Variants in MAST1 observed in about 807,000 individuals in gnomAD.
MAST1 encodes microtubule associated serine/threonine kinase 1, also known as microtubule-associated serine/threonine-protein kinase 1.
Under a neutral mutation model 124.6 loss-of-function variants are expected in MAST1, and 40 were observed. The observed-to-expected ratio is 0.32, with a 90% CI of 0.25 to 0.42. The LOEUF (loss-of-function observed/expected upper bound fraction) is 0.42, where lower values mean the gene tolerates loss of function less well. Ranked by LOEUF, MAST1 falls within the 10% of genes least tolerant of loss-of-function variation. The pLI, the probability that MAST1 is intolerant of heterozygous loss-of-function variation, is 1.00. For missense variants in MAST1, 1,558 were observed against 2,181.9 expected (o/e 0.71, Z 5.70); for synonymous variants, 938 against 939.4 (o/e 1.00, Z 0.03).
intron 22 of MAST1, 102 bp downstream of exon 22, chr19:12,869,397 C>A: frequency 3.6e-6 from 3 of 823,396 alleles, no homozygotes; most frequent in Non-Finnish European, 5.9e-6. Flanking sequence ...CCTCTGTGAC[C>A]CTCTATGCCT....
Position 12,866,905 on chromosome 19 carries a change from C to T in MAST1, c.2139+143C>T. 7.5e-6 allele frequency: 5 copies of T among 667,874 alleles called. No homozygotes were observed. The highest frequency in any genetic ancestry group is 2.6e-6 in the Non-Finnish European group (1 of 384,878). The allele number at this position is 667,874 out of a possible 1,614,324, so 41.4% of individuals were successfully genotyped here. On this transcript the variant is annotated intron_variant, in intron 18 of 25. Coordinates refer to ENST00000251472, the MANE Select transcript of MAST1 (RefSeq NM_014975.3). This position sits in a 1 kb window ranked among gnomAD's most constrained non-coding sequence, Gnocchi z 5.2. ...GGCGGGAGTCTGGAAGGTGGTAAGGCCACGCAAGAGGCAGGTTCGGGAGTC... is the reference window on the plus strand; with the variant it reads ...GGCGGGAGTCTGGAAGGTGGTAAGGTCACGCAAGAGGCAGGTTCGGGAGTC...
Position 12,874,671 on chromosome 19 carries a change from C to T in MAST1, c.4514C>T (p.Pro1505Leu), listed in dbSNP as rs144944600. 3.9e-6 allele frequency: 6 copies of T among 1,542,512 alleles called. No individual in the cohort carries two copies. The highest frequency in any genetic ancestry group is 1.9e-5 in the Admixed American group (1 of 51,700). The change falls in exon 26 of 26, where the codon CCG becomes CTG. Residue 1505 changes from proline (P) to leucine (L), a missense_variant. Coordinates refer to ENST00000251472, the MANE Select transcript of MAST1 (RefSeq NM_014975.3). The surrounding 1 kb of genome is among the most constrained non-coding windows in gnomAD (Gnocchi z 6.6). Reference sequence around the variant, plus strand: ...AAGCCCGCCTCCCCAAAGCTCTCCCCGGAGCCCCAGACACCCTCCCTAGCC... The same window carrying T: ...AAGCCCGCCTCCCCAAAGCTCTCCCTGGAGCCCCAGACACCCTCCCTAGCC... ...RSKPASPKLSPEPQTPSLAPA... is the reference protein window; with the variant it reads ...RSKPASPKLSLEPQTPSLAPA...
intron 9 of MAST1, 23 bp from the exon 10 acceptor site, chr19:12,852,305 G>C (rs1378021574): frequency 6.2e-7 from 1 of 1,614,132 alleles, no homozygotes; most frequent in Non-Finnish European, 8.5e-7. Flanking sequence ...CCCAGCTCGT[G>C]CTCACTCTCA....
At position 12,847,064 on chromosome 19, in the gene MAST1, C is replaced by T. The variant is rs574510823; in HGVS notation, c.328-226C>T. Among the ~76,000 whole-genome samples the T allele has an allele frequency of 4.4e-4, 67 of 152,228 alleles. 1 individual carries two copies. The highest frequency in any genetic ancestry group is 1.6e-3 in the African/African-American group (66 of 41,538). On this transcript the variant is annotated intron_variant, in intron 4 of 25. Transcript: ENST00000251472. This position sits in a 1 kb window ranked among gnomAD's most constrained non-coding sequence, Gnocchi z 5.5. ...GGTTCTGAACAGAGGAGGCTCATGA[C>T]TTGACCCAAGCTTTAACAGACTCAC...
intron 7 of MAST1, among the ~76,000 whole-genome samples, chr19:12,849,481 G>A (rs904216727): frequency 5.9e-5 from 9 of 151,978 alleles, no homozygotes; most frequent in Admixed American, 2.6e-4. Context: ...GGCCAATAAG[G>A]TGAAACTCTG....
rs147756237 is a variant in MAST1 at position 12,868,733 on chromosome 19, G to A, written c.2657G>A (p.Arg886Gln). The stretch of plus-strand genomic sequence containing the variant: ...GCTACCAATGACTTGGTTCTGCGCC[G>A]GGCGCGGCACCAGCAGATGTCAGGG... The part of the protein sequence containing the change: ...PRATNDLVLR[R>Q]ARHQQMSGDV... Residue 886 changes from arginine to glutamine, a missense_variant, in exon 21 of 26, where the codon CGG (arginine) becomes CAG (glutamine). By Grantham distance (43) the Arg-to-Gln change is conservative (BLOSUM62 1). Coordinates refer to ENST00000251472, the MANE Select transcript of MAST1 (RefSeq NM_014975.3). 6 of 1,613,092 alleles carry A rather than the reference G, an allele frequency of 3.7e-6. No individual in the cohort carries two copies. The highest frequency in any genetic ancestry group is 1.7e-4 in the Middle Eastern group (1 of 6,058).
chr19:12,844,983 G>C (rs1969874327), intron 4 of MAST1, among the ~76,000 whole-genome samples: 1 of 152,140 alleles, frequency 6.6e-6, no homozygotes, highest in South Asian at 2.1e-4. Context: ...ATTTTAACCA[G>C]AGGAGTGAGC....
At position 12,873,497 on chromosome 19, in the gene MAST1, A is replaced by G. The variant is rs1373808738; in HGVS notation, c.3437A>G (p.Asp1146Gly). 1.2e-6 allele frequency: 2 copies of G among 1,604,140 alleles called. No homozygotes were observed. Among genetic ancestry groups the G allele is most frequent in the South Asian group, 2.2e-5 (2 of 90,960 alleles). ...ACGCACAGCTACCGCTCCACGCCTG[A>G]CTCCGCCTACCTAGGTATTACCTCC... ...SPTHSYRSTPDSAYLGASSQS... is the reference protein window; with the variant it reads ...SPTHSYRSTPGSAYLGASSQS... Residue 1146 changes from aspartate (D) to glycine (G), a missense_variant, in exon 25 of 26, where the codon GAC becomes GGC. By Grantham distance (94) the Asp-to-Gly change is moderately conservative. Transcript: ENST00000251472.
At chr19:12,868,966 A>G in intron 21 of MAST1, 100 bp from the exon 22 acceptor site, 2 of 1,534,084 alleles carry the variant, frequency 1.3e-6, no homozygotes, top group Admixed American at 3.5e-5. Context: ...TGGACCAATG[A>G]GAGGCTGCTC....
Position 12,866,782 on chromosome 19 carries a change from G to A in MAST1, c.2139+20G>A. 6.3e-7 allele frequency: 1 copy of A among 1,593,968 alleles called. No individual in the cohort carries two copies. The highest frequency in any genetic ancestry group is 8.6e-7 in the Non-Finnish European group (1 of 1,164,804). ...AGCAAGGTGGGCCAAGTCTGGGTGT[G>A]GGACAGGGCGAGACCCCAGGAGGGA... On this transcript the variant is annotated intron_variant, in intron 18 of 25. Coordinates refer to ENST00000251472, the MANE Select transcript of MAST1 (RefSeq NM_014975.3). This position sits in a 1 kb window ranked among gnomAD's most constrained non-coding sequence, Gnocchi z 5.2.
chr19:12,863,197 A>T (rs1970107904), intron 12 of MAST1, among the ~76,000 whole-genome samples: 1 of 151,592 alleles, frequency 6.6e-6, no homozygotes, highest in African/African-American at 2.4e-5. Flanking sequence ...AAAGAAAAAA[A>T]TTAAGAAAAG....
chr19:12,846,895 G>A (rs56087446), intron 4 of MAST1, among the ~76,000 whole-genome samples: 101 of 88,176 alleles, frequency 1.1e-3, no homozygotes, highest in African/African-American at 2.4e-3. Context: ...AAAAAAAAAA[G>A]AAGGCCACTG....
At position 12,870,683 on chromosome 19, in the gene MAST1, G is replaced by A. The variant is rs143261932; in HGVS notation, c.3004-141G>A. On this transcript the variant is annotated intron_variant, in intron 22 of 25. Coordinates refer to ENST00000251472, the MANE Select transcript of MAST1 (RefSeq NM_014975.3). ...CCGTCCAAAAAAAAAAAAAAAATGT[G>A]GGGGGAGGAATAATAACTATTTCAC... 1,596 of 877,176 alleles carry A rather than the reference G, an allele frequency of 1.8e-3. 22 individuals carry two copies. In the African/African-American group the frequency reaches 0.025, roughly 14 times the overall value. The allele number at this position is 877,176 out of a possible 1,614,324, so 54.3% of individuals were successfully genotyped here.
In MAST1 at chr19:12,865,273, G is replaced by T; in HGVS notation, c.1639-43G>T. 1 of 1,580,176 alleles carries T rather than the reference G, an allele frequency of 6.3e-7. No individual in the cohort carries two copies. Among genetic ancestry groups the T allele is most frequent in the Non-Finnish European group, 8.6e-7 (1 of 1,162,692 alleles). On this transcript the variant is annotated intron_variant, in intron 14 of 25. Coordinates refer to ENST00000251472, the MANE Select transcript of MAST1 (RefSeq NM_014975.3). This position sits in a 1 kb window ranked among gnomAD's most constrained non-coding sequence, Gnocchi z 7.1. ...GTGGGGGGCACAGCTCTCCCTTGAG[G>T]GCCCTCCTCTGGCTGGGGCGTGGGC...
intron 7 of MAST1, among the ~76,000 whole-genome samples, chr19:12,849,211 A>C (rs938322504): frequency 1.3e-5 from 2 of 152,066 alleles, no homozygotes; most frequent in African/African-American, 4.8e-5. Flanking sequence ...GTAGGTACTC[A>C]ATAAATGTTG....
chr19:12,852,162 A>T lies in MAST1; in HGVS notation c.924A>T (p.Gly308=), dbSNP rs760236454. ...ACCACCTGCTGGAGGCGGCCGAAGG[A>T]CACGCCAAGGAGGGCCACCTTGTGA... ...EFYHLLEAAE[G]HAKEGHLVKT... is the part of the protein sequence containing the mutation. Residue 308 remains glycine, a synonymous_variant, in exon 9 of 26, where the codon GGA becomes GGT. Transcript: ENST00000251472. The T allele has an allele frequency of 3.7e-6, 6 of 1,613,880 alleles. No individual in the cohort carries two copies. In the Admixed American group the frequency reaches 1.0e-4, roughly 27 times the overall value.
At position 12,874,542 on chromosome 19, in the gene MAST1, A is replaced by C; in HGVS notation, c.4385A>C (p.Glu1462Ala). Residue 1462 changes from glutamate (E) to alanine (A), a missense_variant, in exon 26 of 26, where the codon GAA becomes GCA. Transcript: ENST00000251472. This position sits in a 1 kb window ranked among gnomAD's most constrained non-coding sequence, Gnocchi z 6.6. Reference protein sequence around the residue: ...PLGADSKGLQEPAPLAPSVPE... With the variant: ...PLGADSKGLQAPAPLAPSVPE... Reference sequence around the variant, plus strand: ...GGCGCGGACTCCAAGGGGTTGCAGGAACCCGCACCCCTGGCGCCTTCCGTG... The same window carrying C: ...GGCGCGGACTCCAAGGGGTTGCAGGCACCCGCACCCCTGGCGCCTTCCGTG... 2.0e-6 allele frequency: 3 copies of C among 1,517,424 alleles called. No homozygotes were observed. Among genetic ancestry groups the C allele is most frequent in the Non-Finnish European group, 2.6e-6 (3 of 1,136,930 alleles). The allele number at this position is 1,517,424 out of a possible 1,614,324, so 94.0% of individuals were successfully genotyped here.
intron 24 of MAST1, 163 bp from the exon 25 acceptor site, chr19:12,873,161 A>C (rs1238613081): frequency 1.5e-6 from 1 of 654,454 alleles, no homozygotes; most frequent in Non-Finnish European, 2.6e-6. Context: ...GGAGCCAAGC[A>C]GCACTGAGCT....
intron 7 of MAST1, 70 bp from the exon 8 acceptor site, chr19:12,851,864 G>A: frequency 8.6e-7 from 1 of 1,167,078 alleles, no homozygotes; most frequent in Admixed American, 2.0e-5. Context: ...TGTACTCTGA[G>A]GGGCTGAGAG....
Sources: gnomAD v4.1 joint callset for allele counts (sites outside exome capture counted in the v4.1 genomes callset) on GRCh38, gnomAD v4.1.1 for gene constraint, Gnocchi (gnomAD v3.1) non-coding constraint, MANE v1.5 for transcripts, NCBI Gene and HGNC (gene_info 2026-07-23, HGNC 2026-07-21) for gene names.